Variants in RIF1 observed in about 807,000 individuals in gnomAD.
RIF1 encodes telomere-associated protein RIF1.
A neutral mutation model predicts 247.1 loss-of-function variants in RIF1; 45 were observed. That is an observed-to-expected ratio of 0.18 (90% CI 0.14 to 0.23). The LOEUF (loss-of-function observed/expected upper bound fraction) is 0.23, where lower values mean the gene tolerates loss of function less well. RIF1 is among the 10% of genes least tolerant of loss of function. The pLI is 1.00. For missense variants in RIF1, 2,967 were observed against 2,862.5 expected (o/e 1.04, Z -0.83); for synonymous variants, 1,087 against 978.8 (o/e 1.11, Z -2.06).
At position 151,468,123 on chromosome 2, in the gene RIF1, ACTT is replaced by A. The variant is rs745852482; in HGVS notation, c.6727_6729del (p.Ser2243del). 2.5e-6 allele frequency: 4 copies of A among 1,612,822 alleles called. No homozygotes were observed. In the South Asian group the frequency reaches 4.4e-5, roughly 18 times the overall value. ...TTCTCCCATAGGAAAAAGTGTTAAA[ACTT>A]CTCCTACTACACAATCTAAGGTAAG... On this transcript the variant is annotated inframe_deletion, in exon 31 of 36. Transcript: ENST00000444746.
chr2:151,476,168 TAAAGG>T lies in RIF1; in HGVS notation c.*1102_*1106del, dbSNP rs1215582335. On this transcript the variant is annotated 3_prime_UTR_variant, in exon 36 of 36. Coordinates refer to ENST00000444746, the MANE Select transcript of RIF1 (RefSeq NM_018151.5). ...GAAAGTGTGCCTCCTTAAGATTTCTTAAAGGAAAGTTAGTTTCAGTATTTCACAGC... is the reference window on the plus strand; with the variant it reads ...GAAAGTGTGCCTCCTTAAGATTTCTTAAAGTTAGTTTCAGTATTTCACAGC... The T allele has an allele frequency of 1.1e-4, 17 of 152,142 alleles. No homozygotes were observed. Among genetic ancestry groups the T allele is most frequent in the Admixed American group, 1.3e-4 (2 of 15,278 alleles). 9.4% of individuals were successfully genotyped at this position (152,142 alleles called of 1,614,324 possible). A position where few individuals can be genotyped will look rare whatever the true frequency, so the allele number is the denominator to read the frequency against.
chr2:151,474,878 T>C lies in RIF1; in HGVS notation c.7226T>C (p.Leu2409Ser), dbSNP rs1465299049. 1.3e-6 allele frequency: 2 copies of C among 1,576,524 alleles called. No individual in the cohort carries two copies. ...LVSDIIDPVA[L>S]EIPLSKNLLA... ...TTAGATATAATTGATCCTGTTGCTTTAGAAATTCCATTATCCAAAAACCTT... is the reference window on the plus strand; with the variant it reads ...TTAGATATAATTGATCCTGTTGCTTCAGAAATTCCATTATCCAAAAACCTT... The change falls in exon 36 of 36, where the codon TTA (leucine) becomes TCA (serine). Residue 2409 changes from leucine to serine, a missense_variant. By Grantham distance (145) the Leu-to-Ser change is moderately radical. This residue lies in a region of RIF1 where 151 missense variants were observed against 163.4 expected (regional missense o/e 0.92). Coordinates refer to ENST00000444746, the MANE Select transcript of RIF1 (RefSeq NM_018151.5).
At chr2:151,504,150 G>A (rs1228990525) in intron 12 of RIF1, among the ~76,000 whole-genome samples, 2 of 152,122 alleles carry the variant, frequency 1.3e-5, no homozygotes. Flanking sequence ...TCAGCCTAAA[G>A]GACTGAATGA....
chr2:151,418,236 ACT>A (rs1324276608), intron 6 of RIF1, among the ~76,000 whole-genome samples: 1 of 152,116 alleles, frequency 6.6e-6, no homozygotes, highest in African/African-American at 2.4e-5. Context: ...AGACAGTCTC[ACT>A]CTGTTGTTCA....
At chr2:151,460,669 A>G (rs567612208) in intron 26 of RIF1, among the ~76,000 whole-genome samples, 1 of 152,320 alleles carries the variant, frequency 6.6e-6, no homozygotes, top group South Asian at 2.1e-4. Flanking sequence ...TTTTTTAAGA[A>G]TACCTCTGCC....
chr2:151,493,273 A>G (rs1218346263), intron 9 of RIF1: 1 of 1,081,930 alleles, frequency 9.2e-7, no homozygotes, highest in Non-Finnish European at 1.4e-6. Context: ...TTTCAGTTGA[A>G]TGAGAAAGGC....
At chr2:151,446,975 G>A (rs1219155770) in intron 20 of RIF1, among the ~76,000 whole-genome samples, 2 of 137,068 alleles carry the variant, frequency 1.5e-5, no homozygotes, top group Non-Finnish European at 3.1e-5. Context: ...ACGGAGTCTC[G>A]CTCTGTCGCC....
the RIF1 span, chr2:151,531,175 T>A: frequency 1.0e-6 from 1 of 1,001,446 alleles, no homozygotes; most frequent in Non-Finnish European, 1.5e-6. Context: ...AATGCAAAGT[T>A]TTTTCCTGAG....
At chr2:151,506,334 A>G in exon 13 of RIF1, 1 of 1,103,032 alleles carries the variant, frequency 9.1e-7, no homozygotes, top group South Asian at 1.5e-5. Context: ...AGACTAGGAC[A>G]CATGGCTTTT....
intron 6 of RIF1, 103 bp from the exon 7 acceptor site, chr2:151,420,087 C>T (rs1687916495): frequency 6.5e-6 from 6 of 921,328 alleles, no homozygotes; most frequent in African/African-American, 1.7e-5. Context: ...TATTCTAAAA[C>T]AAATGGGCCG....
chr2:151,524,587 G>A, the RIF1 span: 1 of 1,601,608 alleles, frequency 6.2e-7, no homozygotes, highest in African/African-American at 1.4e-5. Context: ...TGTAATGCAG[G>A]TTCTCTTTGG....
intron 23 of RIF1, among the ~76,000 whole-genome samples, chr2:151,457,533 A>G (rs1015871288): frequency 2.0e-4 from 31 of 152,332 alleles, no homozygotes; most frequent in Non-Finnish European, 2.9e-5. Flanking sequence ...TATTACAAAA[A>G]CATAATTTCT....
At chr2:151,519,605 G>A in the RIF1 span, 2 of 1,347,022 alleles carry the variant, frequency 1.5e-6, no homozygotes, top group Non-Finnish European at 2.1e-6. Flanking sequence ...CTTAAAAACA[G>A]TTAAAATGGC....
At chr2:151,514,704 A>C in the RIF1 span, 1 of 783,064 alleles carries the variant, frequency 1.3e-6, no homozygotes, top group East Asian at 2.7e-5. Flanking sequence ...ATGAGAACCC[A>C]ATTTGAAACC....
At chr2:151,529,285 A>C in the RIF1 span, 5 of 1,613,014 alleles carry the variant, frequency 3.1e-6, no homozygotes, top group African/African-American at 1.3e-5. Flanking sequence ...AGTTGGATTT[A>C]TTTCTTTGGT....
At chr2:151,421,750 T>C (rs1325282466) in intron 7 of RIF1, among the ~76,000 whole-genome samples, 11 of 152,180 alleles carry the variant, frequency 7.2e-5, no homozygotes, top group Non-Finnish European at 1.3e-4. Context: ...TGCAGAAGAC[T>C]TCGTGGTAAT....
In RIF1 at chr2:151,463,443, C is replaced by G; in HGVS notation, c.3923C>G (p.Ser1308Cys). ...GNKRSKPLMR[S>C]EPEKNTEESV... ...AAAAGGTCTAAGCCCTTAATGAGAT[C>G]TGAGCCGGAGAAAAATACTGAGGAA... Residue 1308 changes from serine to cysteine, a missense_variant, in exon 30 of 36, where the codon TCT (serine) becomes TGT (cysteine). Physicochemically the swap from Ser to Cys is moderately radical, Grantham distance 112. Around this residue, in one of 7 missense-constraint regions of RIF1, gnomAD observed 2,028 missense variants for 1,825.6 expected, o/e 1.11. Coordinates refer to ENST00000444746, the MANE Select transcript of RIF1 (RefSeq NM_018151.5). 6.2e-7 allele frequency: 1 copy of G among 1,613,992 alleles called. No individual in the cohort carries two copies. Among genetic ancestry groups the G allele is most frequent in the Non-Finnish European group, 8.5e-7 (1 of 1,179,940 alleles).
chr2:151,421,477 TGA>T (rs1420395131), intron 7 of RIF1, among the ~76,000 whole-genome samples: 1 of 151,950 alleles, frequency 6.6e-6, no homozygotes, highest in Admixed American at 6.6e-5. Flanking sequence ...TGAATGAGAG[TGA>T]GAGGAAAAGA....
intron 3 of RIF1, among the ~76,000 whole-genome samples, chr2:151,412,510 CAG>C (rs1228372829): frequency 2.6e-5 from 4 of 151,954 alleles, no homozygotes; most frequent in Non-Finnish European, 4.4e-5. Flanking sequence ...TTGTTTGAGA[CAG>C]AGTCTTGCTG....
Sources: allele counts gnomAD v4.1 joint callset (sites outside exome capture counted in the v4.1 genomes callset), GRCh38; gene constraint gnomAD v4.1.1; regional missense constraint gnomAD v4.1.1; transcripts MANE v1.5; gene names NCBI Gene and HGNC (gene_info 2026-07-23, HGNC 2026-07-21).